The following CCDC171 variants were observed in gnomAD, a reference collection of about 807,000 sequenced individuals.
The protein encoded by CCDC171 is coiled-coil domain containing 171, also known as coiled-coil domain-containing protein 171.
A neutral mutation model predicts 168.2 loss-of-function variants in CCDC171; 177 were observed. The observed-to-expected ratio is 1.05, with a 90% CI of 0.93 to 1.19. CCDC171 has a LOEUF of 1.19. Ranked by LOEUF, CCDC171 falls within the 50% of genes most tolerant of loss-of-function variation. CCDC171 has a pLI of 0.00. For synonymous variants in CCDC171, 687 were observed against 540.8 expected (o/e 1.27, Z -3.75); for missense variants, 1,991 against 1,539.0 (o/e 1.29, Z -4.91).
intron 25 of CCDC171, among the ~76,000 whole-genome samples, chr9:15,949,716 G>A (rs1828886396): frequency 6.6e-6 from 1 of 152,064 alleles, no homozygotes; most frequent in East Asian, 1.9e-4. Flanking sequence ...CTGAGACGAT[G>A]GGGTTTTCTA....
intron 25 of CCDC171, among the ~76,000 whole-genome samples, chr9:15,934,270 T>G (rs1826849909): frequency 6.6e-6 from 1 of 151,246 alleles, no homozygotes; most frequent in Non-Finnish European, 1.5e-5. Flanking sequence ...TGTGCTTGTA[T>G]TCCTGACTAC....
At chr9:15,757,152 T>C (rs528006779) in intron 18 of CCDC171, among the ~76,000 whole-genome samples, 1 of 152,146 alleles carries the variant, frequency 6.6e-6, no homozygotes, top group South Asian at 2.1e-4. Context: ...CAGGCAGAGG[T>C]TGAAACAGTT....
chr9:15,644,867 C>T (rs541941744), intron 7 of CCDC171, among the ~76,000 whole-genome samples: 5 of 152,346 alleles, frequency 3.3e-5, no homozygotes, highest in Admixed American at 1.3e-4. Context: ...ACTTAAATGT[C>T]CCTGTCTGAC....
At chr9:15,713,180 C>G (rs189384664) in intron 11 of CCDC171, among the ~76,000 whole-genome samples, 4 of 152,218 alleles carry the variant, frequency 2.6e-5, no homozygotes, top group African/African-American at 9.7e-5. Flanking sequence ...CACTACTTGA[C>G]GTTCTGCTTA....
At chr9:15,849,092 C>T in intron 23 of CCDC171, 145 bp downstream of exon 23, 1 of 509,600 alleles carries the variant, frequency 2.0e-6, no homozygotes, top group Non-Finnish European at 3.5e-6. Context: ...TGGAAATTTC[C>T]ATTACATGGT....
At chr9:15,806,788 A>G (rs1183804976) in intron 21 of CCDC171, among the ~76,000 whole-genome samples, 1 of 151,950 alleles carries the variant, frequency 6.6e-6, no homozygotes, top group Non-Finnish European at 1.5e-5. Flanking sequence ...GTTTGGGGAC[A>G]TTTTCATTGA....
At chr9:15,626,764 T>G (rs2045158638) in intron 7 of CCDC171, among the ~76,000 whole-genome samples, 1 of 152,200 alleles carries the variant, frequency 6.6e-6, no homozygotes, top group Admixed American at 6.5e-5. Flanking sequence ...GGGATATTGG[T>G]CTAAAATTCT....
intron 25 of CCDC171, among the ~76,000 whole-genome samples, chr9:15,943,175 C>G (rs1308619706): frequency 6.6e-6 from 1 of 151,950 alleles, no homozygotes; most frequent in African/African-American, 2.4e-5. Flanking sequence ...TCTTTATTGT[C>G]ACTGATATAT....
intron 18 of CCDC171, among the ~76,000 whole-genome samples, chr9:15,774,878 C>T (rs1399193082): frequency 6.6e-6 from 1 of 152,182 alleles, no homozygotes; most frequent in Non-Finnish European, 1.5e-5. Context: ...ATGGTATGTT[C>T]TCACTCATAT....
chr9:15,641,865 A>G (rs962171327), intron 7 of CCDC171, among the ~76,000 whole-genome samples: 4 of 152,202 alleles, frequency 2.6e-5, no homozygotes, highest in African/African-American at 9.6e-5. Flanking sequence ...TTTGTGTTAC[A>G]TACAGAACTG....
chr9:15,978,165 C>G (rs983539268), downstream of CCDC171, among the ~76,000 whole-genome samples: 2 of 152,094 alleles, frequency 1.3e-5, no homozygotes, highest in African/African-American at 2.4e-5. Flanking sequence ...GTACTACTGA[C>G]TATTGAACTC....
intron 21 of CCDC171, among the ~76,000 whole-genome samples, chr9:15,828,675 T>C (rs2136208219): frequency 6.6e-6 from 1 of 152,300 alleles, no homozygotes; most frequent in Middle Eastern, 3.4e-3. Flanking sequence ...GCATATTATG[T>C]GTAAAAGCCG....
rs1833780543 is a variant in CCDC171 at position 16,053,242 on chromosome 9, C to A, written n.90-7404C>A. Among the ~76,000 whole-genome samples the A allele has an allele frequency of 2.0e-5, 3 of 152,264 alleles. No individual in the cohort carries two copies. In the South Asian group the frequency reaches 6.2e-4, roughly 31 times the overall value. On this transcript the variant is annotated intron_variant and non_coding_transcript_variant, in intron 1 of 1. Coordinates refer to the CCDC171 transcript ENST00000478913. The stretch of plus-strand genomic sequence containing the variant: ...AGTGCTCAGGGGACCTGCCCAAGGT[C>A]AACCATCAGCTTGAGCGTGGACCAG...
chr9:16,103,294 G>A, the CCDC171 span, among the ~76,000 whole-genome samples: 1 of 152,178 alleles, frequency 6.6e-6, no homozygotes, highest in African/African-American at 2.4e-5. Context: ...CCTGGGAGTG[G>A]GCAAGGGATG....
chr9:15,853,239 T>G (rs1281253418), intron 23 of CCDC171, among the ~76,000 whole-genome samples: 1 of 151,708 alleles, frequency 6.6e-6, no homozygotes, highest in Non-Finnish European at 1.5e-5. Flanking sequence ...TATTTAGATC[T>G]TCTTTAATTT....
At chr9:15,944,684 T>C (rs1828097373) in intron 25 of CCDC171, among the ~76,000 whole-genome samples, 1 of 152,018 alleles carries the variant, frequency 6.6e-6, no homozygotes, top group African/African-American at 2.4e-5. Flanking sequence ...CCTGTTATTA[T>C]TGTTAATGCC....
intron 22 of CCDC171, among the ~76,000 whole-genome samples, chr9:15,848,368 T>C (rs769005793): frequency 7.2e-5 from 11 of 151,924 alleles, no homozygotes; most frequent in Admixed American, 2.0e-4. Context: ...GAGAAACTAG[T>C]AACTTTGCAT....
intron 3 of CCDC171, among the ~76,000 whole-genome samples, chr9:15,988,421 GT>G (rs1286986894): frequency 1.3e-5 from 2 of 152,154 alleles, no homozygotes; most frequent in Non-Finnish European, 2.9e-5. Flanking sequence ...GGTCTTAGAA[GT>G]TTCTGTTTCA....
chr9:15,654,809 A>C (rs2047798166), intron 7 of CCDC171, among the ~76,000 whole-genome samples: 1 of 152,122 alleles, frequency 6.6e-6, no homozygotes. Context: ...GGTGCAGGAC[A>C]GTGGGTGCAG....
Sources: allele counts gnomAD v4.1 joint callset (sites outside exome capture counted in the v4.1 genomes callset), GRCh38; gene constraint gnomAD v4.1.1; transcripts MANE v1.5; gene names NCBI Gene and HGNC (gene_info 2026-07-23, HGNC 2026-07-21).